RFWD3: variants seen among roughly 807,000 people sequenced by gnomAD.
RFWD3 encodes ring finger and WD repeat domain 3, also known as E3 ubiquitin-protein ligase RFWD3.
A neutral mutation model predicts 87.7 loss-of-function variants in RFWD3; 65 were observed. The observed-to-expected ratio is 0.74, with a 90% confidence interval of 0.61 to 0.91. The LOEUF (loss-of-function observed/expected upper bound fraction) is 0.91. Ranked by LOEUF, RFWD3 falls within the 40% of genes least tolerant of loss-of-function variation. RFWD3 has a pLI of 0.00. For synonymous variants in RFWD3, 433 were observed against 352.8 expected, an observed-to-expected ratio of 1.23 and a Z score of -2.55; for missense variants, 1,078 against 938.5, an observed-to-expected ratio of 1.15 and a Z score of -1.94.
chr16:74,634,921 C>T (rs1597419939), intron 8 of RFWD3, among the ~76,000 whole-genome samples: 2 of 152,114 alleles, frequency 1.3e-5, no homozygotes, highest in East Asian at 3.9e-4. Context: ...ATGGGTGAAT[C>T]ACCTGAGGTC....
chr16:74,653,346 A>T (rs1013680068), intron 2 of RFWD3, among the ~76,000 whole-genome samples: 1 of 151,984 alleles, frequency 6.6e-6, no homozygotes, highest in African/African-American at 2.4e-5. Flanking sequence ...AACAACAAAA[A>T]AACAAAAAAA....
rs527485063 is a variant in RFWD3 at position 74,638,812 on chromosome 16, G to C, written c.1080-842C>G. On this transcript the variant is annotated intron_variant, in intron 6 of 12. Transcript: ENST00000361070. ...AGTCATGTGCAGCTTAATGATGTGG[G>C]CATGTTCTGAGAAACATGTTGTTAG... Among the ~76,000 whole-genome samples, 21 of 152,266 alleles carry C rather than the reference G, an allele frequency of 1.4e-4. 1 individual carries two copies. The South Asian group carries it at 4.1e-3, about 30-fold the overall frequency.
At chr16:74,624,836 G>GA (rs1165735274) in intron 12 of RFWD3, among the ~76,000 whole-genome samples, 4 of 152,076 alleles carry the variant, frequency 2.6e-5, no homozygotes, top group Admixed American at 2.0e-4. Flanking sequence ...ATCTCTACAA[G>GA]AAAAAATTAG....
chr16:74,637,985 C>G lies in RFWD3; in HGVS notation c.1080-15G>C, dbSNP rs1453196221. The G allele has an allele frequency of 6.3e-7, 1 of 1,580,006 alleles. No homozygotes were observed. The highest frequency in any genetic ancestry group is 1.7e-5 in the Admixed American group (1 of 58,434). On this transcript the variant is annotated splice_polypyrimidine_tract_variant and intron_variant, in intron 6 of 12. Coordinates refer to ENST00000361070, the MANE Select transcript of RFWD3 (RefSeq NM_018124.4). ...TCAGTAGGGAACTAGAGGGGGAAAG[C>G]CAGCAACAAGTGGGGATTAGGAAGG... is the stretch of plus-strand genomic sequence containing the variant.
intron 4 of RFWD3, among the ~76,000 whole-genome samples, chr16:74,647,834 C>T (rs1168179887): frequency 6.6e-6 from 1 of 152,212 alleles, no homozygotes. Flanking sequence ...TCAGGTGATC[C>T]GCCCGCCTTG....
intron 2 of RFWD3, chr16:74,660,720 T>C (rs1961359287): frequency 3.6e-6 from 2 of 554,860 alleles, no homozygotes; most frequent in Admixed American, 6.7e-5. Context: ...GCCAACAAAC[T>C]ACCACCTAGT....
intron 3 of RFWD3, 68 bp from the exon 4 acceptor site, chr16:74,649,270 G>C: frequency 8.5e-7 from 1 of 1,169,622 alleles, no homozygotes; most frequent in Non-Finnish European, 1.2e-6. Flanking sequence ...GGTATGAGAA[G>C]CTAGCAGGAG....
Position 74,623,018 on chromosome 16 carries a change from T to C in RFWD3, c.*910A>G, listed in dbSNP as rs1274069350. On this transcript the variant is annotated 3_prime_UTR_variant, in exon 13 of 13. Transcript: ENST00000361070. ...GCTTTTGTAAATTCTCTTATGTCTTTTCTCCTGATCTCTGACACTAGGGGA... is the reference window on the plus strand; with the variant it reads ...GCTTTTGTAAATTCTCTTATGTCTTCTCTCCTGATCTCTGACACTAGGGGA... 1 of 152,188 alleles carries C rather than the reference T, an allele frequency of 6.6e-6. No homozygotes were observed. The highest frequency in any genetic ancestry group is 6.6e-5 in the Admixed American group (1 of 15,264). 9.4% of individuals were successfully genotyped at this position (152,188 alleles called of 1,614,324 possible). A position where few individuals can be genotyped will look rare whatever the true frequency, so the allele number is the denominator to read the frequency against.
chr16:74,649,260 G>A, intron 3 of RFWD3, 58 bp from the exon 4 acceptor site: 2 of 1,263,604 alleles, frequency 1.6e-6, no homozygotes, highest in East Asian at 2.7e-5. Context: ...AGATATGTCA[G>A]GTATGAGAAG....
chr16:74,646,813 C>T (rs535923837), intron 4 of RFWD3, among the ~76,000 whole-genome samples: 1 of 152,176 alleles, frequency 6.6e-6, no homozygotes, highest in Non-Finnish European at 1.5e-5. Flanking sequence ...TGGCTCACGC[C>T]TGTAATCCCA....
chr16:74,664,349 A>C (rs1961706363), intron 1 of RFWD3: 1 of 152,344 alleles, frequency 6.6e-6, no homozygotes, highest in African/African-American at 2.4e-5. Flanking sequence ...TACTCAAGAG[A>C]CATTAAGCAA....
intron 3 of RFWD3, among the ~76,000 whole-genome samples, chr16:74,651,506 T>C (rs1310950482): frequency 1.3e-5 from 2 of 151,792 alleles, no homozygotes; most frequent in African/African-American, 4.8e-5. Context: ...GTAGTCCCAG[T>C]TAGTGGGGAG....
At chr16:74,635,509 C>A (rs1024790950) in intron 8 of RFWD3, among the ~76,000 whole-genome samples, 1 of 151,518 alleles carries the variant, frequency 6.6e-6, no homozygotes, top group Non-Finnish European at 1.5e-5. Flanking sequence ...AAATACACAC[C>A]GAGTTAATCA....
chr16:74,652,542 T>C (rs1028614000), intron 2 of RFWD3, among the ~76,000 whole-genome samples: 2 of 152,186 alleles, frequency 1.3e-5, no homozygotes, highest in Admixed American at 6.5e-5. Context: ...CCAAGGTATT[T>C]TGGAGTACAG....
At chr16:74,637,109 G>A (rs1371007019) in intron 7 of RFWD3, among the ~76,000 whole-genome samples, 1 of 107,114 alleles carries the variant, frequency 9.3e-6, no homozygotes, top group African/African-American at 3.8e-5. Flanking sequence ...TGGTGGTTTC[G>A]TTTAAAGTCC....
chr16:74,644,031 T>C (rs564331267), intron 6 of RFWD3: 4 of 357,388 alleles, frequency 1.1e-5, no homozygotes, highest in South Asian at 6.1e-5. Flanking sequence ...TTGCACTGCA[T>C]GTGCAAAGCT....
intron 4 of RFWD3, among the ~76,000 whole-genome samples, chr16:74,647,950 T>A (rs534151709): frequency 4.5e-4 from 68 of 152,198 alleles, no homozygotes; most frequent in African/African-American, 1.6e-3. Flanking sequence ...GATTTTTTTT[T>A]AATTTTAATT....
intron 8 of RFWD3, among the ~76,000 whole-genome samples, chr16:74,635,826 G>A (rs1959191942): frequency 6.6e-6 from 1 of 152,082 alleles, no homozygotes. Context: ...AAAAGACTTG[G>A]TTTTCAACAT....
At chr16:74,628,739 C>T in intron 10 of RFWD3, 73 bp from the exon 11 acceptor site, 1 of 1,322,814 alleles carries the variant, frequency 7.6e-7, no homozygotes, top group Admixed American at 1.7e-5. Context: ...TACCAGACCT[C>T]AAGCACATTC....
Sources: allele counts gnomAD v4.1 joint callset (sites outside exome capture counted in the v4.1 genomes callset), GRCh38; gene constraint gnomAD v4.1.1; transcripts MANE v1.5; gene names NCBI Gene and HGNC (gene_info 2026-07-23, HGNC 2026-07-21).